The following CBX3 variants were observed in gnomAD, a reference collection of about 807,000 sequenced individuals.
CBX3 encodes the protein chromobox protein homolog 3.
CBX3 carries 5 observed loss-of-function variants against 22.6 expected under a neutral mutation model. The observed-to-expected ratio is 0.22, with a 90% confidence interval of 0.12 to 0.47. CBX3 has a LOEUF of 0.47. Among genes scored for constraint, CBX3 ranks in the 20% least tolerant of loss-of-function variants. CBX3 has a pLI of 0.99. For synonymous variants in CBX3, 50 were observed against 66.6 expected (o/e 0.75, Z 1.21); for missense variants, 83 against 208.1 (o/e 0.40, Z 3.70).
At chr7:26,209,923 T>C (rs1308276717) in intron 4 of CBX3, 1 of 152,204 alleles carries the variant, frequency 6.6e-6, no homozygotes, top group Non-Finnish European at 1.5e-5. Context: ...GTCATAGGTA[T>C]AATCACTATT....
intron 4 of CBX3, among the ~76,000 whole-genome samples, chr7:26,211,249 A>C (rs1021206268): frequency 6.6e-6 from 1 of 152,176 alleles, no homozygotes; most frequent in African/African-American, 2.4e-5. Flanking sequence ...AACATTTTTA[A>C]TATTTCTTAC....
At chr7:26,203,135 C>G (rs1303479748) in intron 2 of CBX3, 113 bp downstream of exon 2, 23 of 714,518 alleles carry the variant, frequency 3.2e-5, no homozygotes, top group Non-Finnish European at 5.0e-5. Context: ...TTTCCCAGCT[C>G]TCCCAGTGTA....
At chr7:26,208,973 C>CT (rs1158082859) in intron 4 of CBX3, among the ~76,000 whole-genome samples, 1 of 110,432 alleles carries the variant, frequency 9.1e-6, no homozygotes, top group Admixed American at 1.3e-4. Context: ...GAGTCTCCCT[C>CT]TGTCACCCAG....
rs1186762461 is a variant in CBX3 at position 26,213,480 on chromosome 7, A to G, written c.*1272A>G. 1.3e-5 allele frequency: 2 copies of G among 152,178 alleles called. No homozygotes were observed. The highest frequency in any genetic ancestry group is 2.9e-5 in the Non-Finnish European group (2 of 68,040). The allele number at this position is 152,178 out of a possible 1,614,324, so 9.4% of individuals were successfully genotyped here. ...TAAGGCATTACAGTACATATCCTAG[A>G]TCTTTTGAGCTTACGAGTTTTAAAC... On this transcript the variant is annotated 3_prime_UTR_variant, in exon 6 of 6. Transcript: ENST00000396386.
chr7:26,211,592 TATTTAA>T, intron 4 of CBX3, 64 bp from the exon 5 acceptor site: 1 of 953,240 alleles, frequency 1.0e-6, no homozygotes, highest in Non-Finnish European at 1.6e-6. Flanking sequence ...GGAATGTTTT[TATTTAA>T]AATACGCCAT....
chr7:26,203,193 A>C (rs1010475599), intron 2 of CBX3, among the ~76,000 whole-genome samples, 171 bp downstream of exon 2: 1 of 152,218 alleles, frequency 6.6e-6, no homozygotes, highest in Admixed American at 6.5e-5. Context: ...ACAGGGAGAT[A>C]CTGGCTTGGC....
rs992793926 is a variant in CBX3, at chr7:26,206,463, A to G, written c.120A>G (p.Val40=). 5.0e-6 allele frequency: 8 copies of G among 1,613,920 alleles called. No individual in the cohort carries two copies. The highest frequency in any genetic ancestry group is 6.8e-6 in the Non-Finnish European group (8 of 1,179,914). The part of the protein sequence containing the change: ...FVVEKVLDRR[V]VNGKVEYFLK... ...TGGAAAAAGTACTAGATCGACGTGTAGTGAATGGGAAAGTGGAATATTTCC... is the reference window on the plus strand; with the variant it reads ...TGGAAAAAGTACTAGATCGACGTGTGGTGAATGGGAAAGTGGAATATTTCC... The change falls in exon 3 of 6, where the codon GTA becomes GTG. Residue 40 remains valine (V), a synonymous_variant. Transcript: ENST00000396386.
intron 4 of CBX3, among the ~76,000 whole-genome samples, chr7:26,209,257 T>G (rs1160644647): frequency 2.0e-5 from 3 of 152,158 alleles, no homozygotes; most frequent in African/African-American, 7.2e-5. Context: ...ATAAAAGGCC[T>G]CTTAATCGTA....
chr7:26,204,144 A>C (rs190297137), intron 2 of CBX3, among the ~76,000 whole-genome samples: 1 of 152,166 alleles, frequency 6.6e-6, no homozygotes. Flanking sequence ...TAAGGCAAAT[A>C]TATACTATAA....
At position 26,205,154 on chromosome 7, in the gene CBX3, A is replaced by G. The variant is rs555992869; in HGVS notation, c.25-1214A>G. ...TCTCAGCCCATAGGATCTTCTGATT[A>G]ACCATTTCAGGGTTTTTTTTCCCCC... On this transcript the variant is annotated intron_variant, in intron 2 of 5. Coordinates refer to ENST00000396386, the MANE Select transcript of CBX3 (RefSeq NM_016587.4). 4.5e-4 allele frequency among the ~76,000 whole-genome samples: 68 copies of G among 152,270 alleles called. 1 individual carries two copies. Among genetic ancestry groups the G allele is most frequent in the African/African-American group, 1.6e-3 (66 of 41,570 alleles).
intron 4 of CBX3, chr7:26,210,542 T>G (rs1023360458): frequency 2.0e-5 from 3 of 152,176 alleles, no homozygotes; most frequent in Non-Finnish European, 2.9e-5. Context: ...CTTGTGACAT[T>G]GATGTAAAAC....
intron 2 of CBX3, among the ~76,000 whole-genome samples, chr7:26,204,828 T>C (rs1784638285): frequency 6.6e-6 from 1 of 152,178 alleles, no homozygotes; most frequent in Admixed American, 6.6e-5. Context: ...TTTCTCTTGT[T>C]GTCCAGGCTA....
At chr7:26,206,185 C>T (rs931595213) in intron 2 of CBX3, 183 bp from the exon 3 acceptor site, 27 of 519,174 alleles carry the variant, frequency 5.2e-5, no homozygotes, top group Non-Finnish European at 9.1e-5. Context: ...ACTAAATGAA[C>T]AAGATAAAGC....
At chr7:26,206,975 GT>G (rs1255701501) in intron 3 of CBX3, among the ~76,000 whole-genome samples, 1 of 152,080 alleles carries the variant, frequency 6.6e-6, no homozygotes, top group East Asian at 1.9e-4. Flanking sequence ...AAGCTCTCTG[GT>G]TCCTTGTGTT....
chr7:26,209,003 G>C (rs1190118679), intron 4 of CBX3, among the ~76,000 whole-genome samples: 1 of 127,412 alleles, frequency 7.8e-6, no homozygotes, highest in Non-Finnish European at 1.6e-5. Context: ...TAGTGGTGCA[G>C]TTTCGGCTCA....
chr7:26,206,580 C>T, intron 3 of CBX3, 70 bp downstream of exon 3: 3 of 1,448,016 alleles, frequency 2.1e-6, no homozygotes, highest in African/African-American at 1.4e-5. Flanking sequence ...TTGTTTTTAA[C>T]CTGGCTCTTT....
At position 26,206,295 on chromosome 7, in the gene CBX3, A is replaced by T. The variant is rs1452572901; in HGVS notation, c.25-73A>T. ...TTATGTCGAATGTGATAATAATATA[A>T]GCAATTGAGCCTTGAAAATGTGCTC... is the stretch of plus-strand genomic sequence containing the variant. On this transcript the variant is annotated intron_variant, in intron 2 of 5. Coordinates refer to ENST00000396386, the MANE Select transcript of CBX3 (RefSeq NM_016587.4). 5.7e-5 allele frequency: 53 copies of T among 928,752 alleles called. No homozygotes were observed. The South Asian group carries it at 8.1e-4, about 14-fold the overall frequency. The allele number at this position is 928,752 out of a possible 1,614,324, so 57.5% of individuals were successfully genotyped here.
chr7:26,202,943 T>C (rs1784583448), intron 1 of CBX3, 28 bp from the exon 2 acceptor site: 2 of 1,447,982 alleles, frequency 1.4e-6, no homozygotes, highest in East Asian at 2.3e-5. Context: ...TCATGCAAAC[T>C]TACCTTAACT....
Position 26,212,821 on chromosome 7 carries a change from TA to T in CBX3, c.*616del, listed in dbSNP as rs1464047934. 1 of 152,290 alleles carries T rather than the reference TA, an allele frequency of 6.6e-6. No individual in the cohort carries two copies. Among genetic ancestry groups the T allele is most frequent in the East Asian group, 1.9e-4 (1 of 5,204 alleles). 9.4% of individuals were successfully genotyped at this position (152,290 alleles called of 1,614,324 possible). ...TAGGACAATTTAAATTGGATAATTT[TA>T]AAGTGTCTATAATTGCAGTGGTTTA... On this transcript the variant is annotated 3_prime_UTR_variant, in exon 6 of 6. Transcript: ENST00000396386.
Sources: allele counts gnomAD v4.1 joint callset (sites outside exome capture counted in the v4.1 genomes callset), GRCh38; gene constraint gnomAD v4.1.1; transcripts MANE v1.5; gene names NCBI Gene and HGNC (gene_info 2026-07-23, HGNC 2026-07-21).